The following TUT4 variants were observed in gnomAD, a reference collection of about 807,000 sequenced individuals.
TUT4 encodes the protein terminal uridylyltransferase 4.
Under a neutral mutation model 192.2 loss-of-function variants are expected in TUT4, and 36 were observed. That is an observed-to-expected ratio of 0.19 (90% confidence interval 0.14 to 0.25). The LOEUF is 0.25. Among genes scored for constraint, TUT4 ranks in the 10% least tolerant of loss-of-function variants. The probability of loss-of-function intolerance (pLI) is 1.00; values close to 1 mark genes in which losing one functional copy is unlikely to be tolerated. For synonymous variants in TUT4, 618 were observed against 666.0 expected, an observed-to-expected ratio of 0.93 and a Z score of 1.11; for missense variants, 1,493 against 1,957.2, an observed-to-expected ratio of 0.76 and a Z score of 4.47.
At chr1:52,461,945 G>C in intron 16 of TUT4, 176 bp from the exon 17 acceptor site, 2 of 442,074 alleles carry the variant, frequency 4.5e-6, no homozygotes, top group Non-Finnish European at 8.1e-6. Context: ...CTGGAAACTT[G>C]ATAGAAATGC....
At chr1:52,449,789 CCTT>C (rs1488600097) in intron 20 of TUT4, among the ~76,000 whole-genome samples, 3 of 152,192 alleles carry the variant, frequency 2.0e-5, no homozygotes, top group African/African-American at 7.2e-5. Context: ...ATTTCTCCCT[CCTT>C]GAGATTCCCT....
chr1:52,423,999 C>A lies in TUT4; in HGVS notation c.4874G>T (p.Arg1625Ile), dbSNP rs750943526. 3.1e-6 allele frequency: 5 copies of A among 1,610,170 alleles called. No individual in the cohort carries two copies. The Admixed American group carries it at 8.4e-5, about 27-fold the overall frequency. The change falls in exon 30 of 30, where the codon AGA (arginine) becomes ATA (isoleucine). Residue 1625 changes from arginine to isoleucine, a missense_variant. This residue lies in a region of TUT4 where 351 missense variants were observed against 397.8 expected (regional missense o/e 0.88). Transcript: ENST00000257177. ...QPNKPFYTQD[R>I]CATRRCRERC... ...CTCTCTACACCGACGGGTGGCACATCTGTCTGTTGGATACAACACAGACAG... is the reference window on the plus strand; with the variant it reads ...CTCTCTACACCGACGGGTGGCACATATGTCTGTTGGATACAACACAGACAG...
At chr1:52,510,366 T>G (rs1390027309) in intron 3 of TUT4, among the ~76,000 whole-genome samples, 1 of 151,266 alleles carries the variant, frequency 6.6e-6, no homozygotes, top group Non-Finnish European at 1.5e-5. Context: ...CTATTTAGTC[T>G]TATTCCAATG....
intron 26 of TUT4, among the ~76,000 whole-genome samples, chr1:52,435,946 A>C (rs2148250337): frequency 6.6e-6 from 1 of 151,138 alleles, no homozygotes; most frequent in Admixed American, 6.6e-5. Flanking sequence ...ACACACACAA[A>C]CCTTTCTGCA....
At chr1:52,430,031 T>C (rs1651533067) in intron 28 of TUT4, among the ~76,000 whole-genome samples, 1 of 152,216 alleles carries the variant, frequency 6.6e-6, no homozygotes, top group African/African-American at 2.4e-5. Context: ...ATGCAGTTTT[T>C]TTTTAATGAC....
At chr1:52,463,648 A>T in intron 16 of TUT4, 2 of 1,303,734 alleles carry the variant, frequency 1.5e-6, no homozygotes, top group East Asian at 5.5e-5. Context: ...TAGGCTGGTA[A>T]AGGACTGAAC....
intron 3 of TUT4, among the ~76,000 whole-genome samples, chr1:52,514,143 A>ACATAACT (rs1678038556): frequency 6.6e-6 from 1 of 152,206 alleles, no homozygotes; most frequent in Non-Finnish European, 1.5e-5. Flanking sequence ...CTAAGTAAAG[A>ACATAACT]CATAACTAAG....
At chr1:52,519,631 TC>T (rs1305370748) in intron 2 of TUT4, among the ~76,000 whole-genome samples, 2 of 151,530 alleles carry the variant, frequency 1.3e-5, no homozygotes, top group African/African-American at 2.4e-5. Flanking sequence ...TGCCTCAGCC[TC>T]CCAAGAAGCT....
chr1:52,533,580 C>T (rs1243990616), intron 1 of TUT4, among the ~76,000 whole-genome samples: 1 of 152,156 alleles, frequency 6.6e-6, no homozygotes, highest in East Asian at 1.9e-4. Flanking sequence ...CTACCAATTC[C>T]CTTACGCTCT....
chr1:52,437,723 G>T (rs1654235294), intron 25 of TUT4: 1 of 152,790 alleles, frequency 6.5e-6, no homozygotes, highest in Admixed American at 6.5e-5. Flanking sequence ...GGGAGGCCAA[G>T]GCAGGCAGAT....
intron 12 of TUT4, 27 bp from the exon 13 acceptor site, chr1:52,475,562 C>A: frequency 6.4e-7 from 1 of 1,555,264 alleles, no homozygotes; most frequent in South Asian, 1.2e-5. Context: ...TGGTAAATAG[C>A]TAAGTCTCTA....
intron 1 of TUT4, among the ~76,000 whole-genome samples, chr1:52,538,233 C>T (rs1454657783): frequency 6.6e-6 from 1 of 151,912 alleles, no homozygotes; most frequent in Non-Finnish European, 1.5e-5. Flanking sequence ...AAGACTCCAT[C>T]TCAAAAAAAT....
chr1:52,448,258 C>A (rs1658177616), intron 20 of TUT4, among the ~76,000 whole-genome samples: 1 of 152,174 alleles, frequency 6.6e-6, no homozygotes, highest in African/African-American at 2.4e-5. Context: ...TACTAAAAGT[C>A]ATCTAGCACA....
At chr1:52,468,912 T>C (rs192777704) in intron 14 of TUT4, among the ~76,000 whole-genome samples, 9 of 152,316 alleles carry the variant, frequency 5.9e-5, no homozygotes, top group Admixed American at 5.2e-4. Context: ...TCCAGACTTA[T>C]CCCCAAAAGT....
chr1:52,430,667 A>G (rs1254624578), intron 28 of TUT4, among the ~76,000 whole-genome samples: 2 of 152,260 alleles, frequency 1.3e-5, no homozygotes, highest in Non-Finnish European at 2.9e-5. Flanking sequence ...ATAATACACC[A>G]AACTGAGTGG....
Position 52,431,445 on chromosome 1 carries a change from A to C in TUT4, c.4279T>G (p.Tyr1427Asp). 1 of 1,601,744 alleles carries C rather than the reference A, an allele frequency of 6.2e-7. No homozygotes were observed. Among genetic ancestry groups the C allele is most frequent in the Admixed American group, 1.7e-5 (1 of 59,424 alleles). Residue 1427 changes from tyrosine (Y) to aspartate (D), a missense_variant, in exon 28 of 30, where the codon TAT becomes GAT. Tyr to Asp is a radical substitution (Grantham distance 160). Transcript: ENST00000257177. ...QSSECSESPS[Y>D]SPQPQPFPQN... ...GGAAATGGCTGAGGCTGAGGAGAAT[A>C]AGATGGTGATTCAGACTGCAGACAA...
chr1:52,430,543 A>G (rs1049465972), intron 28 of TUT4, among the ~76,000 whole-genome samples: 29 of 152,294 alleles, frequency 1.9e-4, no homozygotes, highest in African/African-American at 4.6e-4. Flanking sequence ...TCCGCCTCCC[A>G]AAGTGCTGGG....
intron 4 of TUT4, among the ~76,000 whole-genome samples, chr1:52,508,849 T>G (rs1676332287): frequency 6.6e-6 from 1 of 152,232 alleles, no homozygotes; most frequent in Non-Finnish European, 1.5e-5. Flanking sequence ...TCTATTCATA[T>G]CTATGTCTAT....
intron 1 of TUT4, among the ~76,000 whole-genome samples, chr1:52,536,844 C>T (rs1479197674): frequency 4.3e-5 from 6 of 140,672 alleles, no homozygotes; most frequent in Non-Finnish European, 7.7e-5. Context: ...ACAAGAGTTT[C>T]GTCTCAAAAA....
Sources: gnomAD v4.1 joint callset for allele counts (sites outside exome capture counted in the v4.1 genomes callset) on GRCh38, gnomAD v4.1.1 for gene constraint, gnomAD v4.1.1 regional missense constraint, MANE v1.5 for transcripts, NCBI Gene and HGNC (gene_info 2026-07-23, HGNC 2026-07-21) for gene names.